Variants in ADAMTS18 observed in about 807,000 individuals in gnomAD.
ADAMTS18 encodes the protein A disintegrin and metalloproteinase with thrombospondin motifs 18.
In ADAMTS18, 157 loss-of-function variants were observed where a neutral mutation model predicts 165.9. The ratio of observed to expected loss-of-function variants is 0.95; its 90% CI spans 0.83 to 1.08. ADAMTS18 has a LOEUF of 1.08. Among genes scored for constraint, ADAMTS18 ranks in the 50% least tolerant of loss-of-function variants. The probability of loss-of-function intolerance (pLI) is 0.00; values close to 1 mark genes in which losing one functional copy is unlikely to be tolerated. For missense variants in ADAMTS18, 2,040 were observed against 1,534.0 expected, an observed-to-expected ratio of 1.33 and a Z score of -5.51; for synonymous variants, 782 against 578.2, an observed-to-expected ratio of 1.35 and a Z score of -5.06.
intron 10 of ADAMTS18, among the ~76,000 whole-genome samples, chr16:77,349,617 G>A (rs142610798): frequency 8.8e-4 from 130 of 147,958 alleles, no homozygotes; most frequent in Admixed American, 4.4e-3. Flanking sequence ...CATGAAAATC[G>A]TGTACTTCTC....
Position 77,289,331 on chromosome 16 carries a change from C to T in ADAMTS18, c.3483G>A (p.Leu1161=), listed in dbSNP as rs1241835324. The T allele has an allele frequency of 6.2e-7, 1 of 1,614,086 alleles. No individual in the cohort carries two copies. The highest frequency in any genetic ancestry group is 2.2e-5 in the East Asian group (1 of 44,870). The change falls in exon 22 of 23, where the codon CTG becomes CTA. Residue 1161 remains leucine, a synonymous_variant. Transcript: ENST00000282849. ...GTAGCACCGGAGGTTTCTGATGGAG[C>T]AGACAACTTGAGGAAGGCCGGCCTT... is the stretch of plus-strand genomic sequence containing the variant. The part of the protein sequence containing the change: ...VQQGRPSSSC[L]LHQKPPVLRA...
chr16:77,308,685 TCAGTGACCTTAAATTA>T (rs1157142939), intron 16 of ADAMTS18, among the ~76,000 whole-genome samples: 1 of 151,982 alleles, frequency 6.6e-6, no homozygotes, highest in Non-Finnish European at 1.5e-5. Context: ...AAGGACAAAG[TCAGTGACCTTAAATTA>T]CCTACACCTA....
chr16:77,341,425 T>A (rs993379085), intron 11 of ADAMTS18, among the ~76,000 whole-genome samples: 12 of 151,964 alleles, frequency 7.9e-5, no homozygotes, highest in Non-Finnish European at 1.5e-4. Context: ...TGGTATGCAA[T>A]GAAACCTGTA....
chr16:77,401,338 A>G (rs2057329325), intron 3 of ADAMTS18, among the ~76,000 whole-genome samples: 1 of 152,254 alleles, frequency 6.6e-6, no homozygotes, highest in Non-Finnish European at 1.5e-5. Context: ...CCAAGATAAT[A>G]GCAAATATGT....
intron 10 of ADAMTS18, among the ~76,000 whole-genome samples, chr16:77,346,521 A>T (rs1269031562): frequency 6.6e-6 from 1 of 152,226 alleles, no homozygotes; most frequent in Non-Finnish European, 1.5e-5. Flanking sequence ...GCTAAAAAAA[A>T]CTGGATAATG....
intron 10 of ADAMTS18, among the ~76,000 whole-genome samples, chr16:77,351,893 C>T (rs1034353087): frequency 3.3e-5 from 5 of 152,050 alleles, no homozygotes; most frequent in Non-Finnish European, 7.3e-5. Flanking sequence ...TGCCACTAGC[C>T]CAGCTAACTT....
chr16:77,392,916 G>A (rs184381906), intron 3 of ADAMTS18, among the ~76,000 whole-genome samples: 183 of 152,238 alleles, frequency 1.2e-3, no homozygotes, highest in South Asian at 2.1e-3. Context: ...TGATGAGTGG[G>A]CTGGCAGAGG....
intron 3 of ADAMTS18, among the ~76,000 whole-genome samples, chr16:77,414,993 G>A (rs2057511273): frequency 6.6e-6 from 1 of 152,142 alleles, no homozygotes; most frequent in African/African-American, 2.4e-5. Flanking sequence ...AGTTATTGTT[G>A]GCAGACACAG....
chr16:77,341,750 G>C lies in ADAMTS18; in HGVS notation c.1664C>G (p.Thr555Ser), dbSNP rs1184795045. 1.9e-6 allele frequency: 3 copies of C among 1,613,456 alleles called. No homozygotes were observed. Among genetic ancestry groups the C allele is most frequent in the Non-Finnish European group, 2.5e-6 (3 of 1,179,844 alleles). ...WCHRVGHRCE[T>S]KFMPAAEGTV... ...CCCTTCTGCTGCGGGCATAAACTTG[G>C]TCTCACACCTGTGGCCTACTCGGTG... The change falls in exon 11 of 23, where the codon ACC becomes AGC. Residue 555 changes from threonine to serine, a missense_variant. Thr to Ser is a moderately conservative substitution (Grantham distance 58). Coordinates refer to ENST00000282849, the MANE Select transcript of ADAMTS18 (RefSeq NM_199355.4).
chr16:77,319,613 TTG>T (rs777952844), intron 16 of ADAMTS18, among the ~76,000 whole-genome samples: 8 of 152,038 alleles, frequency 5.3e-5, no homozygotes, highest in Non-Finnish European at 7.4e-5. Flanking sequence ...TGGCTAATTT[TTG>T]TATTTTTAAT....
chr16:77,301,275 A>C (rs907998254), intron 16 of ADAMTS18, among the ~76,000 whole-genome samples: 1 of 126,278 alleles, frequency 7.9e-6, no homozygotes, highest in Non-Finnish European at 1.6e-5. Context: ...CTATATTTTC[A>C]TTGAAAAAAA....
At chr16:77,431,257 CG>C in intron 3 of ADAMTS18, 37 bp downstream of exon 3, 1 of 1,611,162 alleles carries the variant, frequency 6.2e-7, no homozygotes. Flanking sequence ...ACACAAAACA[CG>C]AAAGAGGGAG....
intron 20 of ADAMTS18, among the ~76,000 whole-genome samples, chr16:77,291,913 G>C (rs550107440): frequency 4.6e-5 from 7 of 152,296 alleles, no homozygotes; most frequent in Admixed American, 4.6e-4. Flanking sequence ...AGCTTAATGG[G>C]AAAAACCACT....
rs575345753 is a variant in ADAMTS18, at chr16:77,306,551, A to T, written c.2533-6147T>A. On this transcript the variant is annotated intron_variant, in intron 16 of 22. Transcript: ENST00000282849. ...AGCTTTGTATTTGTTTCATTATTTAAGGCCTCTTTTTTTCTTCTTCTTCAA... is the reference window on the plus strand; with the variant it reads ...AGCTTTGTATTTGTTTCATTATTTATGGCCTCTTTTTTTCTTCTTCTTCAA... Among the ~76,000 whole-genome samples, 18 of 152,236 alleles carry T rather than the reference A, an allele frequency of 1.2e-4. No individual in the cohort carries two copies. The South Asian group carries it at 3.5e-3, about 30-fold the overall frequency.
intron 16 of ADAMTS18, among the ~76,000 whole-genome samples, chr16:77,313,829 A>T (rs1040629465): frequency 1.3e-5 from 2 of 152,226 alleles, no homozygotes; most frequent in African/African-American, 4.8e-5. Flanking sequence ...AGCCCCTCAA[A>T]AGAAAAAGAA....
At chr16:77,335,605 A>T in intron 12 of ADAMTS18, 151 bp downstream of exon 12, 1 of 940,862 alleles carries the variant, frequency 1.1e-6, no homozygotes, top group East Asian at 2.6e-5. Flanking sequence ...GTATCAACAC[A>T]TCACATGTAC....
intron 13 of ADAMTS18, among the ~76,000 whole-genome samples, chr16:77,324,127 C>G (rs1333658521): frequency 6.6e-6 from 1 of 152,064 alleles, no homozygotes; most frequent in Non-Finnish European, 1.5e-5. Flanking sequence ...GTGATAAAGG[C>G]CAAGGAATAT....
chr16:77,340,520 C>G (rs2056382111), intron 11 of ADAMTS18, among the ~76,000 whole-genome samples: 1 of 152,060 alleles, frequency 6.6e-6, no homozygotes, highest in Non-Finnish European at 1.5e-5. Context: ...TTATTTATCT[C>G]TACATCCCCA....
chr16:77,376,667 C>A (rs919422535), intron 3 of ADAMTS18, among the ~76,000 whole-genome samples: 1 of 152,072 alleles, frequency 6.6e-6, no homozygotes, highest in African/African-American at 2.4e-5. Context: ...GCTGCTAAAG[C>A]TTAAAAATTA....
Sources: gnomAD v4.1 joint callset for allele counts (sites outside exome capture counted in the v4.1 genomes callset) on GRCh38, gnomAD v4.1.1 for gene constraint, MANE v1.5 for transcripts, NCBI Gene and HGNC (gene_info 2026-07-23, HGNC 2026-07-21) for gene names.